The following DTWD2 variants were observed in gnomAD, a reference collection of about 807,000 sequenced individuals.
The protein encoded by DTWD2 is DTW motif tRNA-uridine aminocarboxypropyltransferase 2.
Under a neutral mutation model 31.8 loss-of-function variants are expected in DTWD2, and 39 were observed. The observed-to-expected ratio is 1.22, with a 90% CI of 0.95 to 1.60. The LOEUF (loss-of-function observed/expected upper bound fraction) is 1.60. Ranked by LOEUF, DTWD2 falls within the 40% of genes most tolerant of loss-of-function variation. The probability of loss-of-function intolerance (pLI) is 0.00; values close to 1 mark genes in which losing one functional copy is unlikely to be tolerated. For synonymous variants in DTWD2, 180 were observed against 142.8 expected, an observed-to-expected ratio of 1.26 and a Z score of -1.86; for missense variants, 515 against 381.5, an observed-to-expected ratio of 1.35 and a Z score of -2.92.
At chr5:118,981,857 GA>G (rs1755309373) in intron 1 of DTWD2, among the ~76,000 whole-genome samples, 1 of 152,154 alleles carries the variant, frequency 6.6e-6, no homozygotes, top group South Asian at 2.1e-4. Flanking sequence ...TAAAGGAAAA[GA>G]ATCTTTAGAT....
chr5:118,894,817 T>A (rs1753046931), intron 4 of DTWD2, among the ~76,000 whole-genome samples: 1 of 152,166 alleles, frequency 6.6e-6, no homozygotes, highest in Non-Finnish European at 1.5e-5. Flanking sequence ...CATCCTTTCA[T>A]GATAAAAACC....
intron 4 of DTWD2, among the ~76,000 whole-genome samples, chr5:118,882,379 C>T (rs1158796009): frequency 6.6e-6 from 1 of 152,178 alleles, no homozygotes; most frequent in African/African-American, 2.4e-5. Context: ...GTGGCTTTTC[C>T]AGGTGCATGG....
At chr5:118,957,160 T>C (rs906273647) in intron 1 of DTWD2, among the ~76,000 whole-genome samples, 1 of 152,160 alleles carries the variant, frequency 6.6e-6, no homozygotes, top group Non-Finnish European at 1.5e-5. Context: ...TTTTCCTTAC[T>C]AGATTCTCTT....
intron 4 of DTWD2, among the ~76,000 whole-genome samples, chr5:118,890,911 T>C (rs781028471): frequency 6.6e-6 from 1 of 152,150 alleles, no homozygotes; most frequent in Non-Finnish European, 1.5e-5. Context: ...TTGTGTTAAA[T>C]AGTTTGAAGG....
At chr5:118,944,214 A>G (rs1236337820) in intron 2 of DTWD2, among the ~76,000 whole-genome samples, 1 of 152,230 alleles carries the variant, frequency 6.6e-6, no homozygotes, top group East Asian at 1.9e-4. Flanking sequence ...AAAGACATCA[A>G]GCATCAAGAA....
At position 118,958,111 on chromosome 5, in the gene DTWD2, T is replaced by C. The variant is rs567810364; in HGVS notation, c.219-13462A>G. Among the ~76,000 whole-genome samples the C allele has an allele frequency of 5.2e-4, 79 of 152,264 alleles. 1 individual carries two copies. The South Asian group carries it at 0.016, about 30-fold the overall frequency. ...GTTCCTACTAGATCTATAATTAATA[T>C]AAGTTTTCATGTGAAACCACAAGTT... is the stretch of plus-strand genomic sequence containing the variant. On this transcript the variant is annotated intron_variant, in intron 1 of 5. Transcript: ENST00000510708.
chr5:118,940,005 T>A (rs1196324152), intron 2 of DTWD2, among the ~76,000 whole-genome samples: 1 of 152,234 alleles, frequency 6.6e-6, no homozygotes, highest in Non-Finnish European at 1.5e-5. Flanking sequence ...TCCCCCCTCC[T>A]GAAGGTGGAA....
chr5:118,912,749 G>A (rs150038693), intron 4 of DTWD2, among the ~76,000 whole-genome samples: 1 of 152,022 alleles, frequency 6.6e-6, no homozygotes, highest in East Asian at 1.9e-4. Context: ...GTTTATTTTT[G>A]TCTTTTTCCC....
intron 1 of DTWD2, chr5:118,974,021 G>A: frequency 2.5e-6 from 4 of 1,603,780 alleles, no homozygotes; most frequent in East Asian, 4.5e-5. Context: ...AGAGGATGGA[G>A]ATGAAGATGA....
intron 3 of DTWD2, among the ~76,000 whole-genome samples, chr5:118,931,398 TAAA>T (rs535859715): frequency 7.3e-5 from 8 of 109,756 alleles, no homozygotes; most frequent in Non-Finnish European, 5.6e-5. Flanking sequence ...GACCTTGTCT[TAAA>T]AAAAAAAAAA....
chr5:118,912,982 G>A (rs189767223), intron 4 of DTWD2, among the ~76,000 whole-genome samples: 5 of 152,242 alleles, frequency 3.3e-5, no homozygotes, highest in African/African-American at 7.2e-5. Context: ...GTCAACACTC[G>A]GTGCTGATAG....
intron 4 of DTWD2, among the ~76,000 whole-genome samples, chr5:118,918,685 T>C (rs1042946623): frequency 3.9e-5 from 6 of 152,020 alleles, no homozygotes; most frequent in Non-Finnish European, 5.9e-5. Context: ...AACACCACTC[T>C]TGCATCAAGA....
At chr5:118,982,755 C>T (rs952871544) in intron 1 of DTWD2, among the ~76,000 whole-genome samples, 1 of 138,872 alleles carries the variant, frequency 7.2e-6, no homozygotes, top group Admixed American at 7.8e-5. Flanking sequence ...GTGGAGCAAT[C>T]TTGGCTCACT....
intron 1 of DTWD2, among the ~76,000 whole-genome samples, chr5:118,963,435 G>A (rs1754751219): frequency 6.6e-6 from 1 of 152,182 alleles, no homozygotes; most frequent in Admixed American, 6.5e-5. Flanking sequence ...GCTGGAGAAA[G>A]GGGTGTATGG....
At chr5:118,865,986 G>A (rs574328326) in intron 4 of DTWD2, among the ~76,000 whole-genome samples, 19 of 150,782 alleles carry the variant, frequency 1.3e-4, no homozygotes, top group Middle Eastern at 3.4e-3. Flanking sequence ...AAAGAGGTAC[G>A]TGTGTCTGCG....
At chr5:118,893,678 T>A (rs1449944026) in intron 4 of DTWD2, among the ~76,000 whole-genome samples, 2 of 152,008 alleles carry the variant, frequency 1.3e-5, no homozygotes, top group Non-Finnish European at 2.9e-5. Context: ...CCAGAACTTT[T>A]ACCAGTTGGG....
chr5:118,874,394 T>C (rs964190673), intron 4 of DTWD2, among the ~76,000 whole-genome samples: 29 of 152,220 alleles, frequency 1.9e-4, no homozygotes, highest in African/African-American at 6.7e-4. Flanking sequence ...ATTTAGAATA[T>C]GAATATGAAC....
intron 4 of DTWD2, among the ~76,000 whole-genome samples, chr5:118,867,829 A>C (rs1752410707): frequency 6.6e-6 from 1 of 152,240 alleles, no homozygotes; most frequent in Non-Finnish European, 1.5e-5. Context: ...TAATATTGTT[A>C]AAATGTCAAT....
At chr5:118,876,435 A>C (rs1752623378) in intron 4 of DTWD2, among the ~76,000 whole-genome samples, 1 of 152,136 alleles carries the variant, frequency 6.6e-6, no homozygotes, top group South Asian at 2.1e-4. Context: ...AAGACCAAGG[A>C]ATCCAGGAGT....
Sources: gnomAD v4.1 joint callset for allele counts (sites outside exome capture counted in the v4.1 genomes callset) on GRCh38, gnomAD v4.1.1 for gene constraint, MANE v1.5 for transcripts, NCBI Gene and HGNC (gene_info 2026-07-23, HGNC 2026-07-21) for gene names.